The following ARIH1 variants were observed in gnomAD, a reference collection of about 807,000 sequenced individuals.
ARIH1 encodes the protein ariadne RBR E3 ubiquitin protein ligase 1.
A neutral mutation model predicts 85.0 loss-of-function variants in ARIH1; 8 were observed. The ratio of observed to expected loss-of-function variants is 0.09; its 90% CI spans 0.06 to 0.17. The LOEUF is 0.17. Among genes scored for constraint, ARIH1 ranks in the 10% least tolerant of loss-of-function variants. The pLI is 1.00. For synonymous variants in ARIH1, 238 were observed against 253.6 expected (o/e 0.94, Z 0.59); for missense variants, 311 against 718.1 (o/e 0.43, Z 6.48).
At chr15:72,504,514 C>A (rs888264367) in intron 1 of ARIH1, among the ~76,000 whole-genome samples, 1 of 152,124 alleles carries the variant, frequency 6.6e-6, no homozygotes, top group East Asian at 1.9e-4. Context: ...AGAGAAGAGA[C>A]AGGTTGGGCA....
chr15:72,538,184 C>T (rs1239520750), intron 2 of ARIH1, among the ~76,000 whole-genome samples: 1 of 151,944 alleles, frequency 6.6e-6, no homozygotes, highest in Non-Finnish European at 1.5e-5. Context: ...GCCAACATGG[C>T]GAAACCCCAT....
chr15:72,508,428 G>C (rs958601746), intron 1 of ARIH1, among the ~76,000 whole-genome samples: 1 of 152,174 alleles, frequency 6.6e-6, no homozygotes, highest in East Asian at 1.9e-4. Flanking sequence ...ACAAGTCCTT[G>C]TAGGGAGTGG....
chr15:72,513,956 A>C (rs974629224), intron 1 of ARIH1, among the ~76,000 whole-genome samples: 1 of 148,664 alleles, frequency 6.7e-6, no homozygotes, highest in Admixed American at 6.8e-5. Flanking sequence ...GCTCATTGCA[A>C]CCTCAGCCTC....
chr15:72,536,242 C>T (rs1214594173), intron 2 of ARIH1, among the ~76,000 whole-genome samples: 1 of 152,108 alleles, frequency 6.6e-6, no homozygotes, highest in Non-Finnish European at 1.5e-5. Context: ...AAATGTCCTC[C>T]ATACTTTTAT....
chr15:72,552,028 C>T (rs1031038235), intron 3 of ARIH1, among the ~76,000 whole-genome samples: 1 of 152,068 alleles, frequency 6.6e-6, no homozygotes, highest in African/African-American at 2.4e-5. Flanking sequence ...GCATAAATGA[C>T]GACAATCTCT....
At chr15:72,494,543 C>T (rs1478967960) in intron 1 of ARIH1, among the ~76,000 whole-genome samples, 2 of 152,068 alleles carry the variant, frequency 1.3e-5, no homozygotes, top group Non-Finnish European at 2.9e-5. Flanking sequence ...GCTAGACAGG[C>T]AGTGTGATCA....
At chr15:72,575,579 C>CT (rs953713973) in intron 11 of ARIH1, among the ~76,000 whole-genome samples, 2 of 134,358 alleles carry the variant, frequency 1.5e-5, no homozygotes, top group Non-Finnish European at 3.1e-5. Context: ...AAAAAAAAGT[C>CT]TTATTAGCAG....
chr15:72,570,027 G>T lies in ARIH1; in HGVS notation c.1027-150G>T, dbSNP rs2064236361. ...ACAGCTCATTTTAAATAGTGCTTAA[G>T]TGTTCAACACTGTTCTAAGTGCTTT... On this transcript the variant is annotated intron_variant, in intron 9 of 13. Coordinates refer to ENST00000379887, the MANE Select transcript of ARIH1 (RefSeq NM_005744.5). 5 of 744,346 alleles carry T rather than the reference G, an allele frequency of 6.7e-6. No homozygotes were observed. In the Admixed American group the frequency reaches 1.1e-4, roughly 17 times the overall value. The allele number at this position is 744,346 out of a possible 1,614,324, so 46.1% of individuals were successfully genotyped here.
intron 1 of ARIH1, among the ~76,000 whole-genome samples, chr15:72,488,071 T>C (rs2063844327): frequency 6.6e-6 from 1 of 152,208 alleles, no homozygotes; most frequent in Admixed American, 6.6e-5. Flanking sequence ...GTTTTTGCTC[T>C]GTTGCTCAGG....
At chr15:72,577,810 T>A (rs1449544236) in intron 11 of ARIH1, among the ~76,000 whole-genome samples, 1 of 152,162 alleles carries the variant, frequency 6.6e-6, no homozygotes, top group Non-Finnish European at 1.5e-5. Context: ...TCGAATGGGA[T>A]TCAGGAGATG....
chr15:72,518,248 C>T, intron 2 of ARIH1, 114 bp downstream of exon 2: 1 of 762,386 alleles, frequency 1.3e-6, no homozygotes, highest in East Asian at 2.8e-5. Context: ...GTGGACAACC[C>T]AGTGTGCAAC....
chr15:72,553,183 A>G (rs190171939), intron 3 of ARIH1, among the ~76,000 whole-genome samples: 1 of 152,206 alleles, frequency 6.6e-6, no homozygotes, highest in Non-Finnish European at 1.5e-5. Flanking sequence ...GAGGTAAATT[A>G]TGGCAAAATG....
intron 2 of ARIH1, among the ~76,000 whole-genome samples, chr15:72,523,268 A>C (rs2064008925): frequency 6.6e-6 from 1 of 152,252 alleles, no homozygotes; most frequent in South Asian, 2.1e-4. Flanking sequence ...TGAAAGGATG[A>C]GTAAACTGTG....
At chr15:72,518,557 A>C (rs1031324107) in intron 2 of ARIH1, among the ~76,000 whole-genome samples, 6 of 152,176 alleles carry the variant, frequency 3.9e-5, no homozygotes, top group African/African-American at 1.4e-4. Flanking sequence ...TGGGAGGCTG[A>C]GGCAGGTGGA....
chr15:72,518,420 A>C (rs544396295), intron 2 of ARIH1, among the ~76,000 whole-genome samples: 15 of 152,256 alleles, frequency 9.9e-5, no homozygotes, highest in Non-Finnish European at 1.9e-4. Context: ...CAAGAACTGA[A>C]AGCAGGTAGA....
rs1595878938 is a variant in ARIH1 at position 72,596,367 on chromosome 15, T to A, written c.*13075T>A. On this transcript the variant is annotated 3_prime_UTR_variant, in exon 14 of 14. Transcript: ENST00000379887. ...TCCTTTCCGTAATGTGTGGTTGTTCTCAATGGCTGCATCTGTGCATTATAT... is the reference window on the plus strand; with the variant it reads ...TCCTTTCCGTAATGTGTGGTTGTTCACAATGGCTGCATCTGTGCATTATAT... 6.6e-6 allele frequency: 1 copy of A among 152,352 alleles called. No homozygotes were observed. The highest frequency in any genetic ancestry group is 1.9e-4 in the East Asian group (1 of 5,188). The allele number at this position is 152,352 out of a possible 1,614,324, so 9.4% of individuals were successfully genotyped here. A position where few individuals can be genotyped will look rare whatever the true frequency, so the allele number is the denominator to read the frequency against.
chr15:72,519,338 CTATTA>C (rs2063988479), intron 2 of ARIH1, among the ~76,000 whole-genome samples: 1 of 151,588 alleles, frequency 6.6e-6, no homozygotes, highest in African/African-American at 2.4e-5. Flanking sequence ...TCTATTGTTA[CTATTA>C]AATTACAATT....
chr15:72,496,693 C>A, intron 1 of ARIH1: 1 of 518,516 alleles, frequency 1.9e-6, no homozygotes, highest in Non-Finnish European at 2.5e-6. Flanking sequence ...CTGGTTTTCC[C>A]CACCCCTTTA....
At chr15:72,581,048 C>A in intron 12 of ARIH1, 57 bp downstream of exon 12, 1 of 1,536,190 alleles carries the variant, frequency 6.5e-7, no homozygotes, top group Non-Finnish European at 8.8e-7. Context: ...TCTACCTGAT[C>A]TTTCATATAT....
Sources: gnomAD v4.1 joint callset for allele counts (sites outside exome capture counted in the v4.1 genomes callset) on GRCh38, gnomAD v4.1.1 for gene constraint, MANE v1.5 for transcripts, NCBI Gene and HGNC (gene_info 2026-07-23, HGNC 2026-07-21) for gene names.